Variants in HMG20A observed in about 807,000 individuals in gnomAD.
The protein encoded by HMG20A is high mobility group 20A.
A neutral mutation model predicts 43.9 loss-of-function variants in HMG20A; 17 were observed. That is an observed-to-expected ratio of 0.39 (90% CI 0.27 to 0.58). The LOEUF (loss-of-function observed/expected upper bound fraction) is 0.58. Among genes scored for constraint, HMG20A ranks in the 20% least tolerant of loss-of-function variants. The probability of loss-of-function intolerance (pLI) is 0.59; values close to 1 mark genes in which losing one functional copy is unlikely to be tolerated. For missense variants in HMG20A, 341 were observed against 438.2 expected (o/e 0.78, Z 1.98); for synonymous variants, 132 against 147.5 (o/e 0.89, Z 0.76).
At chr15:77,421,553 GTGAA>G (rs2073342920) in intron 1 of HMG20A, among the ~76,000 whole-genome samples, 1 of 152,230 alleles carries the variant, frequency 6.6e-6, no homozygotes. Flanking sequence ...CCTTGGCTGG[GTGAA>G]GTGTGGTGCC....
chr15:77,452,682 C>G (rs569808333), intron 1 of HMG20A, among the ~76,000 whole-genome samples: 1 of 151,996 alleles, frequency 6.6e-6, no homozygotes, highest in African/African-American at 2.4e-5. Flanking sequence ...ATCTTCACAA[C>G]TTTGATTAGG....
At chr15:77,463,605 A>C (rs1221882161) in intron 2 of HMG20A, among the ~76,000 whole-genome samples, 1 of 152,192 alleles carries the variant, frequency 6.6e-6, no homozygotes, top group Non-Finnish European at 1.5e-5. Flanking sequence ...CACTCTTCAG[A>C]AGGGTGAAAT....
At chr15:77,435,466 T>G (rs1000254414) in intron 1 of HMG20A, among the ~76,000 whole-genome samples, 2 of 151,940 alleles carry the variant, frequency 1.3e-5, no homozygotes, top group African/African-American at 4.8e-5. Context: ...TTTATTGTAT[T>G]TTTTTTAAGT....
intron 1 of HMG20A, among the ~76,000 whole-genome samples, chr15:77,456,510 G>A (rs749113142): frequency 6.1e-4 from 93 of 151,802 alleles, no homozygotes; most frequent in Non-Finnish European, 4.1e-4. Context: ...GTGATACCCC[G>A]TCTGTACTAA....
At chr15:77,460,521 T>C (rs2072695548) in intron 2 of HMG20A, among the ~76,000 whole-genome samples, 1 of 152,148 alleles carries the variant, frequency 6.6e-6, no homozygotes, top group Non-Finnish European at 1.5e-5. Flanking sequence ...CACTTTGATA[T>C]CAGGTTCTGC....
the HMG20A span, among the ~76,000 whole-genome samples, chr15:77,511,630 A>T: frequency 6.6e-6 from 1 of 152,242 alleles, no homozygotes; most frequent in Non-Finnish European, 1.5e-5. Flanking sequence ...TCCAAAGAAG[A>T]TATACAAATG....
intron 1 of HMG20A, among the ~76,000 whole-genome samples, chr15:77,436,237 A>G (rs1317419260): frequency 6.6e-6 from 1 of 152,074 alleles, no homozygotes; most frequent in Admixed American, 6.6e-5. Flanking sequence ...GAGACCTCTT[A>G]CTAATCCCCT....
chr15:77,438,967 AT>A, intron 1 of HMG20A, among the ~76,000 whole-genome samples: 1 of 151,206 alleles, frequency 6.6e-6, no homozygotes, highest in South Asian at 2.1e-4. Context: ...ATTTTTTTGT[AT>A]TTTTTTAGTA....
chr15:77,449,049 AAAAT>A (rs754560992), intron 1 of HMG20A, among the ~76,000 whole-genome samples: 36 of 152,212 alleles, frequency 2.4e-4, no homozygotes, highest in African/African-American at 7.0e-4. Flanking sequence ...GCTCGTCTCA[AAAAT>A]AAATAAATAA....
chr15:77,492,293 T>C, the HMG20A span, among the ~76,000 whole-genome samples: 1 of 152,220 alleles, frequency 6.6e-6, no homozygotes, highest in African/African-American at 2.4e-5. Context: ...TAATATAGTA[T>C]GAAAATATCT....
intron 4 of HMG20A, among the ~76,000 whole-genome samples, chr15:77,468,861 G>C (rs535171781): frequency 6.6e-6 from 1 of 152,222 alleles, no homozygotes; most frequent in South Asian, 2.1e-4. Flanking sequence ...TTCCAAAACA[G>C]GTTCCAGTCT....
rs542812351 is a variant in HMG20A at position 77,450,155 on chromosome 15, A to T, written c.-4-8249A>T. 3.9e-5 allele frequency among the ~76,000 whole-genome samples: 6 copies of T among 152,162 alleles called. No homozygotes were observed. The South Asian group carries it at 1.0e-3, about 26-fold the overall frequency. ...TTTTTTATTTGTTTTTTTGAGACAG[A>T]GTCTTGCTTTGTCGCCCAGGCTGGA... On this transcript the variant is annotated intron_variant, in intron 1 of 9. Coordinates refer to ENST00000336216, the MANE Select transcript of HMG20A (RefSeq NM_001304504.2).
chr15:77,456,423 G>A (rs779531260), intron 1 of HMG20A, among the ~76,000 whole-genome samples: 7 of 152,126 alleles, frequency 4.6e-5, no homozygotes, highest in African/African-American at 1.7e-4. Flanking sequence ...GCTCACACCT[G>A]TAATCCTAAC....
chr15:77,509,176 A>G, the HMG20A span, among the ~76,000 whole-genome samples: 1 of 152,132 alleles, frequency 6.6e-6, no homozygotes, highest in South Asian at 2.1e-4. Context: ...CCTTGCCAGG[A>G]CAGCTGGGAG....
At chr15:77,441,214 A>G (rs2073609653) in intron 1 of HMG20A, among the ~76,000 whole-genome samples, 1 of 152,122 alleles carries the variant, frequency 6.6e-6, no homozygotes. Flanking sequence ...GCTAATACGT[A>G]AAAGATGAGA....
intron 1 of HMG20A, among the ~76,000 whole-genome samples, chr15:77,440,191 C>A (rs1423877511): frequency 6.6e-6 from 1 of 152,114 alleles, no homozygotes; most frequent in East Asian, 1.9e-4. Context: ...CTATAGTGAA[C>A]TCCAATTTGT....
chr15:77,435,283 G>GT (rs1488327792), intron 1 of HMG20A, among the ~76,000 whole-genome samples: 4 of 152,142 alleles, frequency 2.6e-5, no homozygotes, highest in African/African-American at 9.6e-5. Flanking sequence ...CATAATTTTT[G>GT]TTTTATAGTC....
At chr15:77,431,172 G>GT (rs1269464163) in intron 1 of HMG20A, among the ~76,000 whole-genome samples, 1 of 151,788 alleles carries the variant, frequency 6.6e-6, no homozygotes, top group African/African-American at 2.4e-5. Flanking sequence ...TTTTTTGTTT[G>GT]TTTTTTTGCT....
intron 1 of HMG20A, among the ~76,000 whole-genome samples, chr15:77,428,197 C>T (rs2073445772): frequency 6.6e-6 from 1 of 152,164 alleles, no homozygotes. Context: ...TGGTTAAACC[C>T]ACATTTTCAA....
Sources: allele counts gnomAD v4.1 joint callset (sites outside exome capture counted in the v4.1 genomes callset), GRCh38; gene constraint gnomAD v4.1.1; transcripts MANE v1.5; gene names NCBI Gene and HGNC (gene_info 2026-07-23, HGNC 2026-07-21).